MIR2052HG: variants seen among roughly 807,000 people sequenced by gnomAD.
MIR2052HG encodes MIR2052 host gene.
chr8:74,735,551 T>C (rs988096305), intron 4 of MIR2052HG, among the ~76,000 whole-genome samples: 1 of 152,214 alleles, frequency 6.6e-6, no homozygotes, highest in Non-Finnish European at 1.5e-5. Flanking sequence ...TATTCTCTCA[T>C]ACCCTGCTGC....
At chr8:74,650,715 A>G (rs1160841324) in intron 2 of MIR2052HG, among the ~76,000 whole-genome samples, 11 of 152,212 alleles carry the variant, frequency 7.2e-5, no homozygotes, top group East Asian at 3.9e-4. Flanking sequence ...CTGTTGGTGA[A>G]TTTTGGTCAT....
chr8:74,648,908 AC>A (rs2128735934), intron 2 of MIR2052HG, among the ~76,000 whole-genome samples: 1 of 152,254 alleles, frequency 6.6e-6, no homozygotes, highest in African/African-American at 2.4e-5. Context: ...TCTTTCTATG[AC>A]CTGTTTTCAT....
At chr8:74,738,105 TTATG>T (rs756618957) in intron 4 of MIR2052HG, among the ~76,000 whole-genome samples, 185 of 145,046 alleles carry the variant, frequency 1.3e-3, no homozygotes, top group Non-Finnish European at 1.7e-3. Context: ...TATGTATCTG[TTATG>T]TATGTATGTA....
At chr8:74,651,227 A>G (rs1055955637) in intron 2 of MIR2052HG, among the ~76,000 whole-genome samples, 4 of 151,710 alleles carry the variant, frequency 2.6e-5, no homozygotes, top group Non-Finnish European at 5.9e-5. Context: ...GATTATTTTA[A>G]TGATGTCTGT....
intron 4 of MIR2052HG, among the ~76,000 whole-genome samples, chr8:74,741,830 A>G (rs1809834807): frequency 6.6e-6 from 1 of 152,192 alleles, no homozygotes; most frequent in African/African-American, 2.4e-5. Context: ...ACCAAGATAA[A>G]GCACAAAAAT....
chr8:74,729,794 A>T lies in MIR2052HG; in HGVS notation n.372-22647A>T, dbSNP rs568437153. ...GGTAGGAAAACATAAAGATATTGTC[A>T]GCTTCCTCTTACCTCCATCAAACAG... On this transcript the variant is annotated intron_variant and non_coding_transcript_variant, in intron 4 of 6. Transcript: ENST00000523442. Among the ~76,000 whole-genome samples the T allele has an allele frequency of 3.3e-5, 5 of 152,298 alleles. No individual in the cohort carries two copies. The South Asian group carries it at 1.0e-3, about 32-fold the overall frequency.
chr8:74,644,071 G>T (rs1276416010), intron 2 of MIR2052HG, among the ~76,000 whole-genome samples: 1 of 152,140 alleles, frequency 6.6e-6, no homozygotes, highest in Admixed American at 6.5e-5. Context: ...ATATTGCCCA[G>T]TCAGTGAAGT....
At chr8:74,724,496 A>T (rs1430641486) in intron 4 of MIR2052HG, among the ~76,000 whole-genome samples, 5 of 152,222 alleles carry the variant, frequency 3.3e-5, no homozygotes, top group African/African-American at 9.6e-5. Flanking sequence ...CAGAGAGAAT[A>T]ACAGCACCAT....
intron 4 of MIR2052HG, among the ~76,000 whole-genome samples, chr8:74,715,310 T>C (rs1035446025): frequency 6.6e-6 from 1 of 152,130 alleles, no homozygotes; most frequent in Admixed American, 6.5e-5. Flanking sequence ...AAGGAAGACA[T>C]TGATTAGATT....
At chr8:74,743,111 C>CA (rs901881064) in intron 4 of MIR2052HG, among the ~76,000 whole-genome samples, 1 of 150,956 alleles carries the variant, frequency 6.6e-6, no homozygotes, top group Admixed American at 6.6e-5. Flanking sequence ...AAACAAAAAA[C>CA]AAAAAAACAG....
At chr8:74,606,161 C>T (rs1035053593) in intron 1 of MIR2052HG, among the ~76,000 whole-genome samples, 14 of 152,138 alleles carry the variant, frequency 9.2e-5, no homozygotes, top group African/African-American at 1.7e-4. Flanking sequence ...GTGATAGACG[C>T]GGGGCTTTGG....
At chr8:74,717,289 G>A (rs1476752293) in intron 4 of MIR2052HG, among the ~76,000 whole-genome samples, 1 of 152,090 alleles carries the variant, frequency 6.6e-6, no homozygotes, top group Non-Finnish European at 1.5e-5. Context: ...AGCTCGCTGA[G>A]GATGATGGTT....
chr8:74,622,790 T>G (rs1478002625), intron 2 of MIR2052HG, among the ~76,000 whole-genome samples: 2 of 151,778 alleles, frequency 1.3e-5, no homozygotes, highest in African/African-American at 4.8e-5. Context: ...GGTGGAAATG[T>G]AAGTTAGTAC....
At chr8:74,612,980 G>T in intron 2 of MIR2052HG, 1 of 453,766 alleles carries the variant, frequency 2.2e-6, no homozygotes, top group Non-Finnish European at 4.4e-6. Context: ...TGTGTGGGAA[G>T]ACAAATATGA....
At chr8:74,711,535 A>T (rs1809468503) in intron 4 of MIR2052HG, among the ~76,000 whole-genome samples, 1 of 152,180 alleles carries the variant, frequency 6.6e-6, no homozygotes, top group African/African-American at 2.4e-5. Context: ...AGTGGTTGGA[A>T]TTTCAGTCAC....
chr8:74,658,451 C>T (rs1481286678), intron 2 of MIR2052HG, among the ~76,000 whole-genome samples: 10 of 151,252 alleles, frequency 6.6e-5, no homozygotes, highest in Admixed American at 1.3e-4. Context: ...AGTGCAATGG[C>T]GTGATCTTGG....
At chr8:74,642,983 G>A (rs1808655280) in intron 2 of MIR2052HG, among the ~76,000 whole-genome samples, 1 of 152,146 alleles carries the variant, frequency 6.6e-6, no homozygotes, top group African/African-American at 2.4e-5. Flanking sequence ...TGCATGGCAG[G>A]TCACATTCAC....
chr8:74,656,936 GAA>G (rs1808813531), intron 2 of MIR2052HG, among the ~76,000 whole-genome samples: 1 of 152,192 alleles, frequency 6.6e-6, no homozygotes. Flanking sequence ...AGTGCCAGCT[GAA>G]GATAGAAACA....
intron 2 of MIR2052HG, among the ~76,000 whole-genome samples, chr8:74,636,875 A>T (rs1808587142): frequency 6.6e-6 from 1 of 152,156 alleles, no homozygotes; most frequent in South Asian, 2.1e-4. Context: ...GAGGTATATT[A>T]TGATGCAGAT....
Sources: allele counts gnomAD v4.1 joint callset (sites outside exome capture counted in the v4.1 genomes callset), GRCh38; gene constraint gnomAD v4.1.1; transcripts MANE v1.5; gene names NCBI Gene and HGNC (gene_info 2026-07-23, HGNC 2026-07-21).